ST6GALNAC5: variants seen among roughly 807,000 people sequenced by gnomAD.
ST6GALNAC5 encodes the protein alpha-N-acetylgalactosaminide alpha-2,6-sialyltransferase 5.
Under a neutral mutation model 33.6 loss-of-function variants are expected in ST6GALNAC5, and 27 were observed. The ratio of observed to expected loss-of-function variants is 0.80; its 90% CI spans 0.59 to 1.11. The LOEUF (loss-of-function observed/expected upper bound fraction) is 1.11. ST6GALNAC5 is among the 50% of genes least tolerant of loss of function. ST6GALNAC5 has a pLI of 0.00. For missense variants in ST6GALNAC5, 428 were observed against 454.0 expected (o/e 0.94, Z 0.52); for synonymous variants, 194 against 171.2 (o/e 1.13, Z -1.04).
intron 2 of ST6GALNAC5, among the ~76,000 whole-genome samples, chr1:76,994,151 T>C (rs1293736821): frequency 3.3e-5 from 5 of 152,176 alleles, no homozygotes; most frequent in Non-Finnish European, 1.5e-5. Context: ...TGTTGAATTA[T>C]GTTATAAAGC....
At chr1:77,033,501 T>A (rs1362666138) in intron 2 of ST6GALNAC5, among the ~76,000 whole-genome samples, 1 of 152,220 alleles carries the variant, frequency 6.6e-6, no homozygotes, top group Non-Finnish European at 1.5e-5. Flanking sequence ...ATGGTGGAAC[T>A]TGCCTCTTGG....
intron 2 of ST6GALNAC5, among the ~76,000 whole-genome samples, chr1:76,915,894 C>CA (rs1646968109): frequency 9.1e-6 from 1 of 109,570 alleles, no homozygotes; most frequent in African/African-American, 3.9e-5. Flanking sequence ...AACAAAAAAA[C>CA]AAAAAACTTC....
intron 2 of ST6GALNAC5, among the ~76,000 whole-genome samples, chr1:77,000,945 T>C (rs1650133325): frequency 6.6e-6 from 1 of 151,796 alleles, no homozygotes; most frequent in Non-Finnish European, 1.5e-5. Flanking sequence ...AGCTTTGTTC[T>C]TTTGGCTTAG....
At chr1:76,869,025 A>G in intron 2 of ST6GALNAC5, 1 of 362,210 alleles carries the variant, frequency 2.8e-6, no homozygotes, top group Non-Finnish European at 4.8e-6. Context: ...TGATCCCCAG[A>G]ATTGCAGCTG....
At chr1:76,891,131 C>G (rs940174501) in intron 2 of ST6GALNAC5, among the ~76,000 whole-genome samples, 1 of 152,020 alleles carries the variant, frequency 6.6e-6, no homozygotes, top group Admixed American at 6.6e-5. Context: ...CATATGGTAA[C>G]CTGAGTCTTA....
intron 2 of ST6GALNAC5, among the ~76,000 whole-genome samples, chr1:76,879,775 G>C (rs997344384): frequency 6.6e-6 from 1 of 151,962 alleles, no homozygotes; most frequent in South Asian, 2.1e-4. Flanking sequence ...GTTCCTTCTG[G>C]CAAAAAAGGT....
intron 2 of ST6GALNAC5, among the ~76,000 whole-genome samples, chr1:76,985,689 G>T (rs180685290): frequency 6.6e-6 from 1 of 152,214 alleles, no homozygotes; most frequent in South Asian, 2.1e-4. Context: ...AAAAGAGCCC[G>T]CATTGCCAAG....
At chr1:76,978,492 G>A (rs1242073109) in intron 2 of ST6GALNAC5, among the ~76,000 whole-genome samples, 2 of 152,078 alleles carry the variant, frequency 1.3e-5, no homozygotes, top group Non-Finnish European at 2.9e-5. Context: ...TAGTAAATGT[G>A]ATACATCACA....
intron 2 of ST6GALNAC5, among the ~76,000 whole-genome samples, chr1:76,971,400 T>G (rs967755257): frequency 6.6e-6 from 1 of 152,118 alleles, no homozygotes; most frequent in Non-Finnish European, 1.5e-5. Context: ...GGATATTGAT[T>G]TCACGGAGGA....
intron 2 of ST6GALNAC5, among the ~76,000 whole-genome samples, chr1:76,920,019 G>T (rs1647014795): frequency 6.6e-6 from 1 of 152,166 alleles, no homozygotes; most frequent in African/African-American, 2.4e-5. Context: ...AATATTTGCA[G>T]AAAACTAAGG....
At chr1:76,996,142 G>T (rs1649929866) in intron 2 of ST6GALNAC5, among the ~76,000 whole-genome samples, 1 of 152,188 alleles carries the variant, frequency 6.6e-6, no homozygotes, top group African/African-American at 2.4e-5. Context: ...TAACCAACTT[G>T]TGCAAAGTTG....
At chr1:76,973,353 T>C (rs1176782938) in intron 2 of ST6GALNAC5, among the ~76,000 whole-genome samples, 1 of 151,978 alleles carries the variant, frequency 6.6e-6, no homozygotes, top group Non-Finnish European at 1.5e-5. Flanking sequence ...AGAGTGGATG[T>C]TGTAGTTCCA....
chr1:77,044,734 G>C (rs976114127), intron 3 of ST6GALNAC5, 121 bp downstream of exon 3: 34 of 1,252,586 alleles, frequency 2.7e-5, no homozygotes, highest in Non-Finnish European at 3.6e-5. Context: ...TCATGTCATT[G>C]CTAGAGTTCA....
intron 2 of ST6GALNAC5, among the ~76,000 whole-genome samples, chr1:76,934,307 AC>A (rs1407442136): frequency 6.6e-6 from 1 of 152,044 alleles, no homozygotes; most frequent in Non-Finnish European, 1.5e-5. Context: ...AAATGGAGTT[AC>A]AATTGTATTT....
At chr1:76,982,823 A>G (rs1360697088) in intron 2 of ST6GALNAC5, among the ~76,000 whole-genome samples, 2 of 151,084 alleles carry the variant, frequency 1.3e-5, no homozygotes, top group East Asian at 4.5e-4. Flanking sequence ...CTCAGCGGAA[A>G]GCCTAAAAGC....
chr1:76,949,255 T>C (rs938860449), intron 2 of ST6GALNAC5, among the ~76,000 whole-genome samples: 3 of 152,126 alleles, frequency 2.0e-5, no homozygotes, highest in Non-Finnish European at 4.4e-5. Context: ...GGGAATTCGT[T>C]TCTTCCCGAG....
chr1:76,993,511 G>T (rs1432919100), intron 2 of ST6GALNAC5, among the ~76,000 whole-genome samples: 2 of 152,158 alleles, frequency 1.3e-5, no homozygotes, highest in African/African-American at 4.8e-5. Context: ...GAGAAATATG[G>T]AGTATTGCAG....
Position 76,974,879 on chromosome 1 carries a change from G to A in ST6GALNAC5, c.262-69325G>A, listed in dbSNP as rs184299933. Among the ~76,000 whole-genome samples, 100 of 132,066 alleles carry A rather than the reference G, an allele frequency of 7.6e-4. 1 individual carries two copies. The East Asian group carries it at 0.013, about 18-fold the overall frequency. The allele number at this position is 132,066 out of a possible 152,430, so 86.6% of individuals were successfully genotyped here. A position where few individuals can be genotyped will look rare whatever the true frequency, so the allele number is the denominator to read the frequency against. On this transcript the variant is annotated intron_variant, in intron 2 of 4. Transcript: ENST00000477717. ...CTCACTGCAGCAACTTCCGCCTCCC[G>A]GGTTCAAGTTATTCTCCTGCCTTAG...
chr1:77,029,670 C>T (rs1651377803), intron 2 of ST6GALNAC5, among the ~76,000 whole-genome samples: 1 of 152,184 alleles, frequency 6.6e-6, no homozygotes, highest in Non-Finnish European at 1.5e-5. Flanking sequence ...TAGTCATCAC[C>T]ATCATACCTG....
Sources: gnomAD v4.1 joint callset for allele counts (sites outside exome capture counted in the v4.1 genomes callset) on GRCh38, gnomAD v4.1.1 for gene constraint, MANE v1.5 for transcripts, NCBI Gene and HGNC (gene_info 2026-07-23, HGNC 2026-07-21) for gene names.